Variants in MOB3B observed in about 807,000 individuals in gnomAD.
MOB3B encodes MOB kinase activator-like 2B.
Under a neutral mutation model 18.7 loss-of-function variants are expected in MOB3B, and 7 were observed. The ratio of observed to expected loss-of-function variants is 0.37; its 90% CI spans 0.21 to 0.70. The LOEUF (loss-of-function observed/expected upper bound fraction) is 0.70. Ranked by LOEUF, MOB3B falls within the 30% of genes least tolerant of loss-of-function variation. MOB3B has a pLI of 0.52. For synonymous variants in MOB3B, 111 were observed against 99.9 expected (o/e 1.11, Z -0.66); for missense variants, 253 against 281.3 (o/e 0.90, Z 0.72).
intron 2 of MOB3B, among the ~76,000 whole-genome samples, chr9:27,366,542 G>A (rs1285122179): frequency 6.6e-6 from 1 of 152,172 alleles, no homozygotes; most frequent in Non-Finnish European, 1.5e-5. Flanking sequence ...GGCCAAAAAA[G>A]GAAAAACTCC....
intron 1 of MOB3B, among the ~76,000 whole-genome samples, chr9:27,466,165 C>T (rs1413025293): frequency 6.6e-6 from 1 of 152,180 alleles, no homozygotes; most frequent in Non-Finnish European, 1.5e-5. Flanking sequence ...CCCAAGTTAC[C>T]TTCTGAAAGC....
At chr9:27,471,273 G>A (rs995909120) in intron 1 of MOB3B, among the ~76,000 whole-genome samples, 2 of 152,192 alleles carry the variant, frequency 1.3e-5, no homozygotes, top group Non-Finnish European at 2.9e-5. Context: ...GAATAGGCAG[G>A]AGACAAAAGT....
chr9:27,485,058 T>C (rs998593738), intron 1 of MOB3B, among the ~76,000 whole-genome samples: 1 of 152,174 alleles, frequency 6.6e-6, no homozygotes, highest in Admixed American at 6.5e-5. Context: ...GTGTTTTGCG[T>C]GGCCAGATGG....
chr9:27,516,873 C>A (rs1218646193), intron 1 of MOB3B, among the ~76,000 whole-genome samples: 1 of 152,192 alleles, frequency 6.6e-6, no homozygotes, highest in Non-Finnish European at 1.5e-5. Context: ...GCCCATATAT[C>A]CAACTGCTGG....
intron 2 of MOB3B, among the ~76,000 whole-genome samples, chr9:27,413,623 GGA>G (rs779399779): frequency 0.074 from 11,313 of 152,270 alleles, 501 homozygotes; most frequent in South Asian, 0.12. Context: ...TCTAAAAATT[GGA>G]GGGTGTTCCA....
intron 3 of MOB3B, 36 bp downstream of exon 3, chr9:27,358,998 G>A (rs1397047441): frequency 1.9e-6 from 3 of 1,602,722 alleles, no homozygotes; most frequent in East Asian, 2.2e-5. Context: ...AGCTCCTGGG[G>A]TGACTTGGAT....
intron 2 of MOB3B, among the ~76,000 whole-genome samples, chr9:27,410,888 C>T (rs527258082): frequency 1.9e-3 from 289 of 152,220 alleles, no homozygotes; most frequent in Non-Finnish European, 3.4e-3. Context: ...TCTTGTATCC[C>T]TTTATTTTTT....
intron 1 of MOB3B, among the ~76,000 whole-genome samples, chr9:27,518,814 G>A (rs1820279654): frequency 6.6e-6 from 1 of 152,162 alleles, no homozygotes; most frequent in South Asian, 2.1e-4. Context: ...GCCTATACAG[G>A]TTATTACTGA....
intron 1 of MOB3B, among the ~76,000 whole-genome samples, chr9:27,489,311 C>A (rs1401480392): frequency 6.6e-6 from 1 of 152,208 alleles, no homozygotes; most frequent in African/African-American, 2.4e-5. Context: ...CCCAGGCAGT[C>A]CTGAAAGCAG....
intron 2 of MOB3B, among the ~76,000 whole-genome samples, chr9:27,427,275 C>T (rs1171176903): frequency 6.6e-6 from 1 of 152,174 alleles, no homozygotes; most frequent in Non-Finnish European, 1.5e-5. Flanking sequence ...ACTTCAGGAA[C>T]TGATATAGCC....
chr9:27,516,630 A>G (rs1204776324), intron 1 of MOB3B, among the ~76,000 whole-genome samples: 1 of 152,194 alleles, frequency 6.6e-6, no homozygotes, highest in African/African-American at 2.4e-5. Context: ...AACGAAAAAA[A>G]CAGAAAAAAC....
At chr9:27,349,903 G>A (rs7046676) in intron 3 of MOB3B, among the ~76,000 whole-genome samples, 3,597 of 152,318 alleles carry the variant, frequency 0.024, 139 homozygotes, top group African/African-American at 0.081. Flanking sequence ...ACATCTGGCA[G>A]CTCTTTGTGG....
At chr9:27,479,951 A>C (rs1467801530) in intron 1 of MOB3B, among the ~76,000 whole-genome samples, 2 of 151,916 alleles carry the variant, frequency 1.3e-5, no homozygotes, top group African/African-American at 4.8e-5. Context: ...TAGCTACTTG[A>C]GAAGCTGAGG....
intron 1 of MOB3B, among the ~76,000 whole-genome samples, chr9:27,459,706 G>A (rs545764217): frequency 6.6e-6 from 1 of 151,974 alleles, no homozygotes; most frequent in African/African-American, 2.4e-5. Flanking sequence ...GGACTGACTT[G>A]TATAGCCCAG....
chr9:27,528,337 ATCC>A (rs1353268892), intron 1 of MOB3B, among the ~76,000 whole-genome samples: 4 of 152,206 alleles, frequency 2.6e-5, no homozygotes, highest in Non-Finnish European at 5.9e-5. Context: ...AGAGATTGAA[ATCC>A]TCTGGAACCA....
At chr9:27,522,657 A>G (rs1297766387) in intron 1 of MOB3B, among the ~76,000 whole-genome samples, 1 of 151,794 alleles carries the variant, frequency 6.6e-6, no homozygotes, top group East Asian at 1.9e-4. Context: ...GCTGTGACAA[A>G]CTTCCTTACA....
chr9:27,503,258 C>T (rs1008990783), intron 1 of MOB3B, among the ~76,000 whole-genome samples: 3 of 152,170 alleles, frequency 2.0e-5, no homozygotes, highest in Non-Finnish European at 4.4e-5. Flanking sequence ...ACCTATATTT[C>T]ACTAGAGGAA....
chr9:27,420,884 C>G (rs1260203285), intron 2 of MOB3B, among the ~76,000 whole-genome samples: 2 of 106,208 alleles, frequency 1.9e-5, no homozygotes, highest in South Asian at 1.1e-3. Context: ...TCTCACAAAT[C>G]ACCACTAAAG....
intron 1 of MOB3B, among the ~76,000 whole-genome samples, chr9:27,457,716 A>G (rs901288221): frequency 1.3e-5 from 2 of 151,710 alleles, no homozygotes; most frequent in Admixed American, 1.3e-4. Flanking sequence ...TTCACAGGAC[A>G]TTGACCTTTG....
Sources: allele counts gnomAD v4.1 joint callset (sites outside exome capture counted in the v4.1 genomes callset), GRCh38; gene constraint gnomAD v4.1.1; transcripts MANE v1.5; gene names NCBI Gene and HGNC (gene_info 2026-07-23, HGNC 2026-07-21).